Variants in MIDEAS observed in about 807,000 individuals in gnomAD.
MIDEAS encodes the protein mitotic deacetylase associated SANT domain protein.
In MIDEAS, 26 loss-of-function variants were observed where a neutral mutation model predicts 102.7. The observed-to-expected ratio is 0.25, with a 90% CI of 0.19 to 0.35. The LOEUF (loss-of-function observed/expected upper bound fraction) is 0.35, where lower values mean the gene tolerates loss of function less well. Among genes scored for constraint, MIDEAS ranks in the 10% least tolerant of loss-of-function variants. The probability of loss-of-function intolerance (pLI) is 1.00; values close to 1 mark genes in which losing one functional copy is unlikely to be tolerated. For missense variants in MIDEAS, 1,231 were observed against 1,435.6 expected (o/e 0.86, Z 2.30); for synonymous variants, 585 against 591.0 (o/e 0.99, Z 0.15).
intron 12 of MIDEAS, 72 bp from the exon 13 acceptor site, chr14:73,719,080 G>A (rs2052942277): frequency 6.2e-6 from 9 of 1,448,130 alleles, no homozygotes; most frequent in South Asian, 2.9e-5. Flanking sequence ...TGCGCGAGGA[G>A]CCCCAGCCTT....
Position 73,725,003 on chromosome 14 carries a change from TA to T in MIDEAS, c.2574+268del. 1 of 341,610 alleles carries T rather than the reference TA, an allele frequency of 2.9e-6. No individual in the cohort carries two copies. Among genetic ancestry groups the T allele is most frequent in the South Asian group, 2.8e-5 (1 of 35,872 alleles). The allele number at this position is 341,610 out of a possible 1,614,324, so 21.2% of individuals were successfully genotyped here. Reference sequence around the variant, plus strand: ...CTCCGCATCTTCCTCCTGCCTATTTTAAGTCTGATGCCCACTTAGGCCTCCT... The same window carrying T: ...CTCCGCATCTTCCTCCTGCCTATTTTAGTCTGATGCCCACTTAGGCCTCCT... On this transcript the variant is annotated intron_variant, in intron 9 of 12. Transcript: ENST00000423556. This position sits in a 1 kb window ranked among gnomAD's most constrained non-coding sequence, Gnocchi z 4.1.
intron 1 of MIDEAS, among the ~76,000 whole-genome samples, chr14:73,776,789 G>A (rs889123509): frequency 1.3e-5 from 2 of 151,890 alleles, no homozygotes; most frequent in Non-Finnish European, 2.9e-5. Flanking sequence ...CTTCAGAACC[G>A]TAACATCAGC....
At chr14:73,727,047 G>A in intron 5 of MIDEAS, 75 bp from the exon 6 acceptor site, 2 of 1,516,464 alleles carry the variant, frequency 1.3e-6, no homozygotes, top group Non-Finnish European at 1.8e-6. Flanking sequence ...CTCAGGGTGG[G>A]AAGAAGATGA....
chr14:73,748,049 C>T (rs2053375472), intron 1 of MIDEAS, among the ~76,000 whole-genome samples: 1 of 152,144 alleles, frequency 6.6e-6, no homozygotes, highest in Non-Finnish European at 1.5e-5. Context: ...TTGTTTAACC[C>T]TTACTGTTCT....
intron 1 of MIDEAS, 35 bp from the exon 2 acceptor site, chr14:73,740,290 A>G: frequency 2.5e-6 from 1 of 404,370 alleles, no homozygotes; most frequent in Non-Finnish European, 4.3e-6. Context: ...TGTCAGCCAC[A>G]GCCTCCCAGG....
At chr14:73,772,689 G>A (rs934435197) in intron 1 of MIDEAS, among the ~76,000 whole-genome samples, 1 of 151,648 alleles carries the variant, frequency 6.6e-6, no homozygotes, top group Admixed American at 6.6e-5. Context: ...TTTGTACTTA[G>A]AGCTCTTTTC....
At chr14:73,741,649 C>T (rs1466292991) in intron 1 of MIDEAS, among the ~76,000 whole-genome samples, 1 of 150,770 alleles carries the variant, frequency 6.6e-6, no homozygotes, top group Non-Finnish European at 1.5e-5. Flanking sequence ...TATCGCTCCT[C>T]TGCAGGCTTC....
At chr14:73,768,244 G>T (rs182121162) in intron 1 of MIDEAS, among the ~76,000 whole-genome samples, 1 of 152,250 alleles carries the variant, frequency 6.6e-6, no homozygotes, top group East Asian at 1.9e-4. Context: ...CTTGAAGGAA[G>T]CCATTTTTCC....
At chr14:73,750,630 C>T (rs910293363) in intron 1 of MIDEAS, among the ~76,000 whole-genome samples, 6 of 152,216 alleles carry the variant, frequency 3.9e-5, no homozygotes, top group Admixed American at 2.6e-4. Context: ...GTGGCTTGGG[C>T]CTCTCTTCAG....
chr14:73,747,561 C>G (rs72721783), intron 1 of MIDEAS, among the ~76,000 whole-genome samples: 2 of 152,188 alleles, frequency 1.3e-5, no homozygotes, highest in African/African-American at 4.8e-5. Context: ...TCTAAGCCTC[C>G]TGACCCCAAA....
rs138105201 is a variant in MIDEAS at position 73,716,040 on chromosome 14, T to C, written c.*2803A>G. ...ATGCTGGGAGATGGATATGGTGAGA[T>C]GGTGTGGGGAGGATGTTAGAAAGCT... is the stretch of plus-strand genomic sequence containing the variant. On this transcript the variant is annotated 3_prime_UTR_variant, in exon 13 of 13. Transcript: ENST00000423556. 5.1e-4 allele frequency: 77 copies of C among 152,162 alleles called. No individual in the cohort carries two copies. Among genetic ancestry groups the C allele is most frequent in the African/African-American group, 1.8e-3 (74 of 41,378 alleles). 9.4% of individuals were successfully genotyped at this position (152,162 alleles called of 1,614,324 possible).
At chr14:73,727,549 A>T in intron 4 of MIDEAS, 25 bp from the exon 5 acceptor site, 1 of 1,583,988 alleles carries the variant, frequency 6.3e-7, no homozygotes, top group Middle Eastern at 1.7e-4. Flanking sequence ...GCAGGTTGAT[A>T]AATAGCACCC....
intron 2 of MIDEAS, 35 bp from the exon 3 acceptor site, chr14:73,737,332 G>C: frequency 1.9e-6 from 3 of 1,588,336 alleles, no homozygotes; most frequent in Non-Finnish European, 1.7e-6. Flanking sequence ...CAATTTAAAA[G>C]GTAAGTCATA....
rs757501999 is a variant in MIDEAS, at chr14:73,739,676, T to A, written c.333A>T (p.Gly111=). The A allele has an allele frequency of 6.2e-7, 1 of 1,613,824 alleles. No homozygotes were observed. The highest frequency in any genetic ancestry group is 1.1e-5 in the South Asian group (1 of 91,064). The change falls in exon 2 of 13, where the codon GGA becomes GGT. Residue 111 remains glycine (G), a synonymous_variant. Coordinates refer to ENST00000423556, the MANE Select transcript of MIDEAS (RefSeq NM_001367710.1). ...VMAPGRGPER[G]GGGGVSDSSW... The stretch of plus-strand genomic sequence containing the variant: ...TGCTGTCACTGACACCCCCACCTCC[T>A]CCACGCTCCGGGCCCCGCCCTGGAG...
chr14:73,722,793 G>C lies in MIDEAS; in HGVS notation c.2629C>G (p.Gln877Glu), dbSNP rs2053013710. 1 of 1,614,182 alleles carries C rather than the reference G, an allele frequency of 6.2e-7. No individual in the cohort carries two copies. Among genetic ancestry groups the C allele is most frequent in the Non-Finnish European group, 8.5e-7 (1 of 1,180,012 alleles). The stretch of plus-strand genomic sequence containing the variant: ...GTCCCATTGCGGCCGATTTTCACCT[G>C]CTTCTTGTAGGTGTAGTAGAACTCC... ...CVEFYYTYKKQVKIGRNGTLT... is the reference protein window; with the variant it reads ...CVEFYYTYKKEVKIGRNGTLT... Residue 877 changes from glutamine (Q) to glutamate (E), a missense_variant, in exon 10 of 13, where the codon CAG (glutamine) becomes GAG (glutamate). Around this residue, in one of 5 missense-constraint regions of MIDEAS, gnomAD observed 391 missense variants for 483.0 expected, o/e 0.81. Transcript: ENST00000423556.
chr14:73,726,751 T>A, intron 6 of MIDEAS, 44 bp from the exon 7 acceptor site: 1 of 1,612,964 alleles, frequency 6.2e-7, no homozygotes, highest in Non-Finnish European at 8.5e-7. Flanking sequence ...GAAACCACGT[T>A]CAGGGCGGGG....
chr14:73,741,438 AG>A (rs1342649735), intron 1 of MIDEAS, among the ~76,000 whole-genome samples: 1 of 151,994 alleles, frequency 6.6e-6, no homozygotes, highest in African/African-American at 2.4e-5. Context: ...TCTGGTCCCT[AG>A]GAAGAGGGGA....
chr14:73,727,367 G>T, intron 5 of MIDEAS, 91 bp downstream of exon 5: 1 of 1,379,480 alleles, frequency 7.2e-7, no homozygotes, highest in Non-Finnish European at 1.0e-6. Context: ...CAGGCCCCAC[G>T]GAACCCTCCT....
upstream of MIDEAS, among the ~76,000 whole-genome samples, chr14:73,762,280 G>T (rs776189154): frequency 6.6e-6 from 1 of 152,212 alleles, no homozygotes; most frequent in Non-Finnish European, 1.5e-5. Context: ...CCATCATGGA[G>T]CCAGGGCCCA....
Sources: allele counts gnomAD v4.1 joint callset (sites outside exome capture counted in the v4.1 genomes callset), GRCh38; gene constraint gnomAD v4.1.1; regional missense constraint gnomAD v4.1.1; non-coding constraint Gnocchi (gnomAD v3.1); transcripts MANE v1.5; gene names NCBI Gene and HGNC (gene_info 2026-07-23, HGNC 2026-07-21).